The following RAB11FIP3 variants were observed in gnomAD, a reference collection of about 807,000 sequenced individuals.
RAB11FIP3 encodes RAB11 family interacting protein 3.
RAB11FIP3 carries 17 observed loss-of-function variants against 77.8 expected under a neutral mutation model. That is an observed-to-expected ratio of 0.22 (90% confidence interval 0.15 to 0.33). The LOEUF (loss-of-function observed/expected upper bound fraction) is 0.33, where lower values mean the gene tolerates loss of function less well. RAB11FIP3 is among the 10% of genes least tolerant of loss of function. The pLI is 1.00. For missense variants in RAB11FIP3, 1,005 were observed against 1,011.2 expected (o/e 0.99, Z 0.08); for synonymous variants, 437 against 448.2 (o/e 0.98, Z 0.31).
Position 428,399 on chromosome 16 carries a change from C to T in RAB11FIP3, c.714+1679C>T, listed in dbSNP as rs369763116. ...AGAGCACCTTGAGCTCCCTTGGTTG[C>T]TGTTGGCTACTGCGCTGTCTCTTCT... On this transcript the variant is annotated intron_variant, in intron 1 of 13. Transcript: ENST00000262305. 2.1e-4 allele frequency among the ~76,000 whole-genome samples: 32 copies of T among 152,302 alleles called. No individual in the cohort carries two copies. The East Asian group carries it at 5.4e-3, about 26-fold the overall frequency.
chr16:510,689 A>G lies in RAB11FIP3; in HGVS notation c.1529A>G (p.Glu510Gly). 6.2e-7 allele frequency: 1 copy of G among 1,611,356 alleles called. No homozygotes were observed. Among genetic ancestry groups the G allele is most frequent in the Non-Finnish European group, 8.5e-7 (1 of 1,179,190 alleles). Residue 510 changes from glutamate to glycine, a missense_variant, in exon 9 of 14, where the codon GAG becomes GGG. Glu to Gly is a moderately conservative substitution (Grantham distance 98). Coordinates refer to ENST00000262305, the MANE Select transcript of RAB11FIP3 (RefSeq NM_014700.4). ...RANALEEQLK[E>G]QELRACEMVL... ...AACGCCCTGGAGGAGCAGCTGAAGG[A>G]GCAGGAGCTGAGAGCCTGCGAGATG...
rs141093027 is a variant in RAB11FIP3 at position 520,592 on chromosome 16, G to A, written c.2150G>A (p.Arg717Gln). The change falls in exon 13 of 14, where the codon CGA (arginine) becomes CAA (glutamine). Residue 717 changes from arginine (R) to glutamine (Q), a missense_variant. Arg to Gln is a conservative substitution (Grantham distance 43). Around this residue, in one of 4 missense-constraint regions of RAB11FIP3, gnomAD observed 90 missense variants for 129.7 expected, o/e 0.69. Coordinates refer to ENST00000262305, the MANE Select transcript of RAB11FIP3 (RefSeq NM_014700.4). ...SLAAEISSVS[R>Q]DELMEAIQKQ... The stretch of plus-strand genomic sequence containing the variant: ...GCTGCAGAGATCAGCTCCGTCTCCC[G>A]AGATGAGGTAACACATCCCGTGTCT... The A allele has an allele frequency of 1.6e-5, 26 of 1,613,244 alleles. No individual in the cohort carries two copies. Among genetic ancestry groups the A allele is most frequent in the African/African-American group, 1.6e-4 (12 of 74,944 alleles).
chr16:435,279 G>A (rs1016312854), intron 1 of RAB11FIP3, among the ~76,000 whole-genome samples: 10 of 152,010 alleles, frequency 6.6e-5, no homozygotes, highest in Non-Finnish European at 1.3e-4. Flanking sequence ...GTTTAGTTCT[G>A]TGTAGATGGT....
Position 471,226 on chromosome 16 carries a change from A to C in RAB11FIP3, c.809-69A>C. The C allele has an allele frequency of 7.1e-7, 1 of 1,405,308 alleles. No individual in the cohort carries two copies. Among genetic ancestry groups the C allele is most frequent in the Non-Finnish European group, 1.0e-6 (1 of 1,000,244 alleles). The allele number at this position is 1,405,308 out of a possible 1,614,324, so 87.1% of individuals were successfully genotyped here. A position where few individuals can be genotyped will look rare whatever the true frequency, so the allele number is the denominator to read the frequency against. ...GGGGCCTCCTTCCCAGGGAGTCCCG[A>C]GGCCGCCAGGGGTCCCGTCACTGGG... On this transcript the variant is annotated intron_variant, in intron 2 of 13. Coordinates refer to ENST00000262305, the MANE Select transcript of RAB11FIP3 (RefSeq NM_014700.4). The surrounding 1 kb of genome is among the most constrained non-coding windows in gnomAD (Gnocchi z 4.4).
intron 5 of RAB11FIP3, chr16:491,222 C>T (rs1390053878): frequency 2.5e-5 from 33 of 1,304,752 alleles, no homozygotes; most frequent in East Asian, 5.5e-5. Flanking sequence ...ACAAATCAAC[C>T]GCCTTGAGGA....
chr16:512,571 T>C (rs2032236618), intron 9 of RAB11FIP3, among the ~76,000 whole-genome samples: 2 of 125,442 alleles, frequency 1.6e-5, no homozygotes, highest in Non-Finnish European at 3.3e-5. Context: ...TGAGACCAAG[T>C]GTCACCCTGT....
At chr16:515,114 A>C (rs1427251424) in intron 9 of RAB11FIP3, among the ~76,000 whole-genome samples, 2 of 152,178 alleles carry the variant, frequency 1.3e-5, no homozygotes, top group Non-Finnish European at 2.9e-5. Flanking sequence ...GGCAAGGAGG[A>C]AAGAAAGAGG....
rs538302776 is a variant in RAB11FIP3, at chr16:500,642, T to C, written c.1302-2362T>C. Among the ~76,000 whole-genome samples the C allele has an allele frequency of 6.4e-5, 8 of 124,782 alleles. No homozygotes were observed. The East Asian group carries it at 2.1e-3, about 33-fold the overall frequency. 81.9% of individuals were successfully genotyped at this position (124,782 alleles called of 152,430 possible). A position where few individuals can be genotyped will look rare whatever the true frequency, so the allele number is the denominator to read the frequency against. On this transcript the variant is annotated intron_variant, in intron 6 of 13. Coordinates refer to ENST00000262305, the MANE Select transcript of RAB11FIP3 (RefSeq NM_014700.4). ...GGCAGAGGTTGCAGTGAGCTGAGAT[T>C]GCACCACTGCACTCCAGCCCAGGTG...
At chr16:488,004 G>A (rs955918775) in intron 4 of RAB11FIP3, among the ~76,000 whole-genome samples, 1 of 151,806 alleles carries the variant, frequency 6.6e-6, no homozygotes, top group Non-Finnish European at 1.5e-5. Flanking sequence ...AACTTGTGAC[G>A]TGGGAGGGCA....
In RAB11FIP3 at chr16:440,442, G is replaced by A. The variant is rs1248569668; in HGVS notation, c.714+13722G>A. Among the ~76,000 whole-genome samples, 15 of 152,098 alleles carry A rather than the reference G, an allele frequency of 9.9e-5. No individual in the cohort carries two copies. In the South Asian group the frequency reaches 1.4e-3, roughly 15 times the overall value. On this transcript the variant is annotated intron_variant, in intron 1 of 13. Coordinates refer to ENST00000262305, the MANE Select transcript of RAB11FIP3 (RefSeq NM_014700.4). ...CACCTCGCTCAGCCCCTCTGCTGTC[G>A]TCCCTTCCCTGGGATCAGTGGCCCA...
intron 1 of RAB11FIP3, among the ~76,000 whole-genome samples, chr16:442,505 C>G (rs567062897): frequency 6.6e-6 from 1 of 152,198 alleles, no homozygotes; most frequent in East Asian, 1.9e-4. Flanking sequence ...CCTTTCTGGT[C>G]TTCCTCCCGC....
intron 1 of RAB11FIP3, among the ~76,000 whole-genome samples, chr16:444,446 T>C (rs534839342): frequency 2.0e-5 from 3 of 152,296 alleles, no homozygotes; most frequent in Admixed American, 1.3e-4. Flanking sequence ...AAAAAAGAAA[T>C]TATGATACTG....
intron 3 of RAB11FIP3, among the ~76,000 whole-genome samples, chr16:480,622 C>A (rs1777663678): frequency 6.6e-6 from 1 of 152,086 alleles, no homozygotes; most frequent in Non-Finnish European, 1.5e-5. Context: ...GCCTCAGTCT[C>A]CCGAGTAGCT....
At chr16:469,630 TC>T (rs1402640496) in intron 2 of RAB11FIP3, among the ~76,000 whole-genome samples, 3 of 151,818 alleles carry the variant, frequency 2.0e-5, no homozygotes, top group Non-Finnish European at 4.4e-5. Flanking sequence ...CCTTAAGTGA[TC>T]CGCCCGCCTC....
At chr16:468,218 G>C (rs763174741) in intron 2 of RAB11FIP3, among the ~76,000 whole-genome samples, 20 of 45,120 alleles carry the variant, frequency 4.4e-4, no homozygotes, top group South Asian at 3.6e-3. Context: ...GGGAGGAGGT[G>C]CTGGGGCGTC....
At chr16:427,292 G>A (rs1466752239) in intron 1 of RAB11FIP3, among the ~76,000 whole-genome samples, 6 of 152,220 alleles carry the variant, frequency 3.9e-5, no homozygotes, top group Non-Finnish European at 8.8e-5. Flanking sequence ...GAGAGTCCTG[G>A]AATTAAGAAT....
At position 471,891 on chromosome 16, in the gene RAB11FIP3, G is replaced by A. The variant is rs2055816176; in HGVS notation, c.903+502G>A. ...ACATAGCTGGGGAGAGGGTCTTCGA[G>A]CACAGCCGTGGTCGACAGAGCGTAA... On this transcript the variant is annotated intron_variant, in intron 3 of 13. Coordinates refer to ENST00000262305, the MANE Select transcript of RAB11FIP3 (RefSeq NM_014700.4). This position sits in a 1 kb window ranked among gnomAD's most constrained non-coding sequence, Gnocchi z 4.4. 6.6e-6 allele frequency among the ~76,000 whole-genome samples: 1 copy of A among 152,162 alleles called. No homozygotes were observed. The highest frequency in any genetic ancestry group is 2.4e-5 in the African/African-American group (1 of 41,444).
Position 503,076 on chromosome 16 carries a change from A to AGAG in RAB11FIP3, c.1380_1382dup (p.Glu460dup). 1 of 1,612,678 alleles carries AGAG rather than the reference A, an allele frequency of 6.2e-7. No homozygotes were observed. Among genetic ancestry groups the AGAG allele is most frequent in the Non-Finnish European group, 8.5e-7 (1 of 1,179,328 alleles). On this transcript the variant is annotated inframe_insertion, in exon 7 of 14. Transcript: ENST00000262305. ...CTTCCCCCGAGCTCATGGAGGGCCC[A>AGAG]GAGGAGGACATTGCTGACAAGGTAG...
rs1412888174 is a variant in RAB11FIP3 at position 426,418 on chromosome 16, C to T, written c.412C>T (p.Pro138Ser). 10 of 1,583,662 alleles carry T rather than the reference C, an allele frequency of 6.3e-6. No homozygotes were observed. Among genetic ancestry groups the T allele is most frequent in the Admixed American group, 3.6e-5 (2 of 55,908 alleles). The change falls in exon 1 of 14, where the codon CCG becomes TCG. Residue 138 changes from proline to serine, a missense_variant. Transcript: ENST00000262305. This position sits in a 1 kb window ranked among gnomAD's most constrained non-coding sequence, Gnocchi z 5.0. ...CGAGGAGTGTGGCCCCGCGAGCTGC[C>T]CGGAGAGCGCGCCTTTCCGCTTGCA... is the stretch of plus-strand genomic sequence containing the variant. ...EPEECGPASC[P>S]ESAPFRLQGS...
Sources: allele counts gnomAD v4.1 joint callset (sites outside exome capture counted in the v4.1 genomes callset), GRCh38; gene constraint gnomAD v4.1.1; regional missense constraint gnomAD v4.1.1; non-coding constraint Gnocchi (gnomAD v3.1); transcripts MANE v1.5; gene names NCBI Gene and HGNC (gene_info 2026-07-23, HGNC 2026-07-21).